The following SAMMSON variants were observed in gnomAD, a reference collection of about 807,000 sequenced individuals.
SAMMSON encodes long intergenic non-protein coding RNA 1212.
chr3:70,297,884 T>C (rs1702304708), intron 7 of SAMMSON, among the ~76,000 whole-genome samples: 1 of 152,260 alleles, frequency 6.6e-6, no homozygotes, highest in South Asian at 2.1e-4. Flanking sequence ...AGTTGATGCA[T>C]AATGGCTATC....
intron 6 of SAMMSON, chr3:70,249,715 A>T (rs1018251236): frequency 2.0e-5 from 3 of 152,008 alleles, no homozygotes; most frequent in African/African-American, 7.2e-5. Context: ...CCTTTTTCGG[A>T]TGTTGATGAG....
At chr3:70,331,830 C>CA (rs1194484909) in intron 7 of SAMMSON, among the ~76,000 whole-genome samples, 42 of 152,286 alleles carry the variant, frequency 2.8e-4, no homozygotes, top group African/African-American at 9.9e-4. Context: ...GATAATGGCA[C>CA]AATTCAGAAT....
intron 4 of SAMMSON, among the ~76,000 whole-genome samples, chr3:70,199,002 T>C (rs1389163260): frequency 1.3e-5 from 2 of 152,210 alleles, no homozygotes; most frequent in Non-Finnish European, 2.9e-5. Flanking sequence ...ACCACTACTA[T>C]AGCAGTGGCT....
chr3:70,087,905 A>G lies in SAMMSON; in HGVS notation n.507+16340A>G, dbSNP rs78243046. 7.3e-3 allele frequency among the ~76,000 whole-genome samples: 1,116 copies of G among 152,322 alleles called. 5 individuals carry two copies. The highest frequency in any genetic ancestry group is 0.01 in the Non-Finnish European group (695 of 68,024). On this transcript the variant is annotated intron_variant and non_coding_transcript_variant, in intron 4 of 9. Coordinates refer to ENST00000642114, the Ensembl canonical transcript of SAMMSON. Reference sequence around the variant, plus strand: ...TGTTTAAGGGATGTATGGATGAGTTATTAAAGACAGGGGCAAATATCAGAA... The same window carrying G: ...TGTTTAAGGGATGTATGGATGAGTTGTTAAAGACAGGGGCAAATATCAGAA...
chr3:70,125,116 A>G, intron 4 of SAMMSON: 2 of 1,345,514 alleles, frequency 1.5e-6, no homozygotes, highest in Admixed American at 1.8e-5. Context: ...TAGCAGATCG[A>G]GCAAATTGAA....
At chr3:70,199,878 C>A (rs563612598) in intron 4 of SAMMSON, among the ~76,000 whole-genome samples, 4 of 152,130 alleles carry the variant, frequency 2.6e-5, no homozygotes, top group African/African-American at 9.7e-5. Flanking sequence ...GCCTGCTGCA[C>A]GTCTCTTCTG....
intron 2 of SAMMSON, among the ~76,000 whole-genome samples, chr3:70,421,323 A>G (rs1701311378): frequency 6.6e-6 from 1 of 152,210 alleles, no homozygotes; most frequent in South Asian, 2.1e-4. Flanking sequence ...AATACATTTC[A>G]TGAGTAACTT....
intron 4 of SAMMSON, among the ~76,000 whole-genome samples, chr3:70,105,668 C>G (rs999431962): frequency 2.0e-5 from 3 of 152,186 alleles, no homozygotes; most frequent in African/African-American, 7.2e-5. Context: ...ACATTTCCAA[C>G]TTGCAAGTGC....
chr3:70,411,854 C>T (rs949454861), intron 2 of SAMMSON, among the ~76,000 whole-genome samples: 2 of 152,096 alleles, frequency 1.3e-5, no homozygotes, highest in East Asian at 1.9e-4. Context: ...ATTACTCAGT[C>T]GTGGGTATTT....
At chr3:70,397,268 C>T (rs1701100070) in intron 2 of SAMMSON, among the ~76,000 whole-genome samples, 1 of 152,046 alleles carries the variant, frequency 6.6e-6, no homozygotes, top group Non-Finnish European at 1.5e-5. Flanking sequence ...TCTGGGATCG[C>T]TAGTATGTCA....
intron 2 of SAMMSON, among the ~76,000 whole-genome samples, chr3:70,404,709 C>G (rs573415354): frequency 9.9e-5 from 15 of 152,202 alleles, no homozygotes; most frequent in African/African-American, 3.6e-4. Context: ...ACTATAATCC[C>G]TGAAAGAAGG....
rs554105337 is a variant in SAMMSON, at chr3:70,131,090, A to G, written n.507+59525A>G. Among the ~76,000 whole-genome samples, 3 of 152,342 alleles carry G rather than the reference A, an allele frequency of 2.0e-5. No individual in the cohort carries two copies. In the South Asian group the frequency reaches 6.2e-4, roughly 32 times the overall value. On this transcript the variant is annotated intron_variant and non_coding_transcript_variant, in intron 4 of 9. Coordinates refer to ENST00000642114, the Ensembl canonical transcript of SAMMSON. ...ATAGGGTACTTTTTGACTGCAAGTA[A>G]CAGAAACTTAACTCAAGCCAGTTTT...
chr3:70,336,843 TG>T lies in SAMMSON; in HGVS notation n.740-17331del, dbSNP rs1444671115. Among the ~76,000 whole-genome samples the T allele has an allele frequency of 9.7e-4, 145 of 149,818 alleles. No homozygotes were observed. The Middle Eastern group carries it at 0.028, about 29-fold the overall frequency. On this transcript the variant is annotated intron_variant and non_coding_transcript_variant, in intron 7 of 9. Coordinates refer to ENST00000642114, the Ensembl canonical transcript of SAMMSON. ...GTGTGTGTGTGTGTGTGTGTGTGTGTGTGTGTGTGTGTGTGGAGAGAGAGAG... is the reference window on the plus strand; with the variant it reads ...GTGTGTGTGTGTGTGTGTGTGTGTGTTGTGTGTGTGTGTGGAGAGAGAGAG...
At chr3:70,254,282 T>C (rs1171303166) in intron 6 of SAMMSON, among the ~76,000 whole-genome samples, 1 of 152,190 alleles carries the variant, frequency 6.6e-6, no homozygotes, top group African/African-American at 2.4e-5. Flanking sequence ...TTAAGACTAC[T>C]TAAGGGATTC....
At chr3:70,010,022 G>C (rs1255484048) in intron 1 of SAMMSON, among the ~76,000 whole-genome samples, 2 of 151,602 alleles carry the variant, frequency 1.3e-5, no homozygotes, top group African/African-American at 4.9e-5. Context: ...TATAACTTCT[G>C]TTCTTTTACA....
chr3:70,267,582 T>TTG (rs1393567201), intron 6 of SAMMSON, among the ~76,000 whole-genome samples: 11 of 146,712 alleles, frequency 7.5e-5, no homozygotes, highest in African/African-American at 2.2e-4. Flanking sequence ...TTTTGTATTT[T>TTG]TTTTTTTTTT....
At chr3:70,001,391 A>C (rs866402665) in intron 1 of SAMMSON, among the ~76,000 whole-genome samples, 9 of 151,398 alleles carry the variant, frequency 5.9e-5, no homozygotes, top group South Asian at 2.1e-4. Flanking sequence ...GGACAGACAC[A>C]CTTCTTGCCC....
At chr3:70,234,929 G>T (rs1053843529) in intron 4 of SAMMSON, among the ~76,000 whole-genome samples, 1 of 152,054 alleles carries the variant, frequency 6.6e-6, no homozygotes, top group Admixed American at 6.5e-5. Context: ...GAAACCTCAC[G>T]GTTTCCTGAT....
rs186131675 is a variant in SAMMSON at position 70,026,651 on chromosome 3, G to A, written n.417+12979G>A. ...TAATATGATAATCTTATGGTAGCCC[G>A]AGAGATGCTGATGGAAGCTCCAAGT... On this transcript the variant is annotated intron_variant and non_coding_transcript_variant, in intron 3 of 9. Transcript: ENST00000642114. Among the ~76,000 whole-genome samples the A allele has an allele frequency of 1.2e-4, 19 of 152,252 alleles. 1 individual carries two copies. In the East Asian group the frequency reaches 3.7e-3, roughly 29 times the overall value.
Sources: allele counts gnomAD v4.1 joint callset (sites outside exome capture counted in the v4.1 genomes callset), GRCh38; gene constraint gnomAD v4.1.1; transcripts MANE v1.5; gene names NCBI Gene and HGNC (gene_info 2026-07-23, HGNC 2026-07-21).